Variants in NEBL observed in about 807,000 individuals in gnomAD.
The protein encoded by NEBL is LIM and SH3 protein 2.
Under a neutral mutation model 140.2 loss-of-function variants are expected in NEBL, and 122 were observed. That is an observed-to-expected ratio of 0.87 (90% CI 0.75 to 1.01). NEBL has a LOEUF of 1.01. NEBL is among the 50% of genes least tolerant of loss of function. The pLI, the probability that NEBL is intolerant of heterozygous loss-of-function variation, is 0.00. For synonymous variants in NEBL, 436 were observed against 398.9 expected (o/e 1.09, Z -1.11); for missense variants, 1,365 against 1,231.3 (o/e 1.11, Z -1.62).
intron 2 of NEBL, among the ~76,000 whole-genome samples, chr10:21,124,402 T>C (rs1354558717): frequency 1.3e-5 from 2 of 152,220 alleles, no homozygotes; most frequent in African/African-American, 4.8e-5. Flanking sequence ...CTCCACTTGC[T>C]GAACCATTAT....
chr10:21,231,011 C>G (rs185491610), intron 3 of NEBL, among the ~76,000 whole-genome samples: 14 of 152,114 alleles, frequency 9.2e-5, no homozygotes, highest in African/African-American at 3.4e-4. Flanking sequence ...GTATGTCTTC[C>G]GTCCAAATGA....
Position 20,782,401 on chromosome 10 carries a change from A to G in NEBL, c.*3346T>C, listed in dbSNP as rs1245475201. ...ACACATTTTCTTCATCTTTTATTGA[A>G]AACATTCCACTGGAGATGGATGAAC... On this transcript the variant is annotated 3_prime_UTR_variant, in exon 28 of 28. Coordinates refer to ENST00000377122, the MANE Select transcript of NEBL (RefSeq NM_006393.3). 1 of 152,612 alleles carries G rather than the reference A, an allele frequency of 6.6e-6. No individual in the cohort carries two copies. Among genetic ancestry groups the G allele is most frequent in the Non-Finnish European group, 1.5e-5 (1 of 68,032 alleles). 9.5% of individuals were successfully genotyped at this position (152,612 alleles called of 1,614,324 possible).
chr10:21,097,638 G>T (rs905987945), intron 2 of NEBL, among the ~76,000 whole-genome samples: 13 of 152,156 alleles, frequency 8.5e-5, no homozygotes, highest in Admixed American at 8.5e-4. Flanking sequence ...TTACAAACAG[G>T]TTTCCATGGC....
intron 3 of NEBL, among the ~76,000 whole-genome samples, chr10:21,236,889 C>T (rs895444309): frequency 5.3e-5 from 8 of 152,140 alleles, no homozygotes; most frequent in Non-Finnish European, 7.3e-5. Flanking sequence ...TAAATTAGTT[C>T]TCATAACTAC....
chr10:21,033,477 A>C (rs1833879254), intron 2 of NEBL, among the ~76,000 whole-genome samples: 1 of 152,226 alleles, frequency 6.6e-6, no homozygotes, highest in African/African-American at 2.4e-5. Flanking sequence ...GTTCCCACTT[A>C]TAAGAATATA....
At chr10:21,217,213 G>C (rs1177519198) in intron 3 of NEBL, among the ~76,000 whole-genome samples, 2 of 152,242 alleles carry the variant, frequency 1.3e-5, no homozygotes, top group East Asian at 3.9e-4. Context: ...GTAGTTATCA[G>C]GTTAAGTATA....
At chr10:21,043,223 C>T (rs1834348027) in intron 2 of NEBL, among the ~76,000 whole-genome samples, 2 of 152,178 alleles carry the variant, frequency 1.3e-5, no homozygotes, top group Admixed American at 6.5e-5. Flanking sequence ...TGCTTCACAT[C>T]CAACAGATGG....
chr10:21,030,889 C>G (rs1029547806), intron 2 of NEBL: 3 of 265,450 alleles, frequency 1.1e-5, no homozygotes, highest in African/African-American at 4.5e-5. Flanking sequence ...ATGGCACTCA[C>G]CAATCAAAAA....
Position 20,808,624 on chromosome 10 carries a change from A to G in NEBL, c.2647T>C (p.Ser883Pro), listed in dbSNP as rs748010308. The G allele has an allele frequency of 6.2e-7, 1 of 1,613,460 alleles. No individual in the cohort carries two copies. Among genetic ancestry groups the G allele is most frequent in the South Asian group, 1.1e-5 (1 of 91,052 alleles). ...ASHYRRHWSR[S>P]HSSSTFGTGL... Reference sequence around the variant, plus strand: ...GTACCGAAAGTACTGCTGGAATGGGATCGAGACCAGTGTCGCCTATAGTGA... The same window carrying G: ...GTACCGAAAGTACTGCTGGAATGGGGTCGAGACCAGTGTCGCCTATAGTGA... The change falls in exon 26 of 28, where the codon TCC (serine) becomes CCC (proline). Residue 883 changes from serine (S) to proline (P), a missense_variant. Transcript: ENST00000377122.
At chr10:20,793,826 G>A (rs984312245) in intron 26 of NEBL, among the ~76,000 whole-genome samples, 3 of 152,308 alleles carry the variant, frequency 2.0e-5, no homozygotes, top group Admixed American at 2.0e-4. Flanking sequence ...AAAATGCTGG[G>A]ATTACAGGAG....
intron 2 of NEBL, among the ~76,000 whole-genome samples, chr10:21,092,586 TTAATAATAA>T (rs4025883): frequency 0.071 from 10,067 of 142,012 alleles, 983 homozygotes; most frequent in African/African-American, 0.22. Context: ...CCTCTATAAT[TTAATAATAA>T]TAATAATAAT....
chr10:21,192,737 AG>A (rs1432144634), intron 3 of NEBL, among the ~76,000 whole-genome samples: 1 of 150,358 alleles, frequency 6.7e-6, no homozygotes, highest in African/African-American at 2.4e-5. Context: ...CCCAGCTACG[AG>A]GGGGGCTGAG....
At chr10:20,934,971 A>T (rs531550025) in intron 4 of NEBL, among the ~76,000 whole-genome samples, 3 of 152,334 alleles carry the variant, frequency 2.0e-5, no homozygotes, top group Admixed American at 6.5e-5. Flanking sequence ...ATAAACTGGC[A>T]TGCTGTGCAA....
rs180682636 is a variant in NEBL, at chr10:21,131,378, T to G, written c.164+41005A>C. Among the ~76,000 whole-genome samples, 4 of 152,332 alleles carry G rather than the reference T, an allele frequency of 2.6e-5. No homozygotes were observed. In the East Asian group the frequency reaches 7.7e-4, roughly 29 times the overall value. On this transcript the variant is annotated intron_variant, in intron 2 of 6. Coordinates refer to the NEBL transcript ENST00000417816. ...GAATAAGAGCAGAGGGAATACTTCC[T>G]AACTCATTCTTACGACACCCTCATT...
intron 2 of NEBL, among the ~76,000 whole-genome samples, chr10:21,074,476 T>G (rs1314861441): frequency 3.6e-5 from 5 of 138,156 alleles, no homozygotes; most frequent in Non-Finnish European, 7.5e-5. Flanking sequence ...TCTTTCTGAA[T>G]TTTTTTCTTT....
chr10:21,174,533 G>T (rs921786077), upstream of NEBL: 3 of 152,432 alleles, frequency 2.0e-5, no homozygotes, highest in Admixed American at 6.5e-5. Context: ...CCCAAATGTC[G>T]CGGGGAGTGC....
intron 13 of NEBL, 98 bp downstream of exon 13, chr10:20,840,641 A>G: frequency 1.2e-6 from 1 of 812,752 alleles, no homozygotes; most frequent in Admixed American, 2.0e-5. Context: ...TCACTTACAT[A>G]TAAAAGTTAT....
At chr10:21,245,575 A>G (rs1842505934) in intron 3 of NEBL, among the ~76,000 whole-genome samples, 1 of 152,196 alleles carries the variant, frequency 6.6e-6, no homozygotes, top group Non-Finnish European at 1.5e-5. Context: ...TCTGTCACCC[A>G]GGCTGGACTG....
chr10:21,028,959 A>G (rs1034380143), intron 2 of NEBL: 3 of 548,048 alleles, frequency 5.5e-6, no homozygotes, highest in Middle Eastern at 9.9e-4. Context: ...ATGAGACAAA[A>G]TGCTTTTTAA....
Sources: allele counts gnomAD v4.1 joint callset (sites outside exome capture counted in the v4.1 genomes callset), GRCh38; gene constraint gnomAD v4.1.1; transcripts MANE v1.5; gene names NCBI Gene and HGNC (gene_info 2026-07-23, HGNC 2026-07-21).